The following BTBD8 variants were observed in gnomAD, a reference collection of about 807,000 sequenced individuals.
BTBD8 encodes the protein BTB/POZ domain-containing protein 8.
BTBD8 carries 110 observed loss-of-function variants against 162.9 expected under a neutral mutation model. That is an observed-to-expected ratio of 0.68 (90% CI 0.58 to 0.79). The LOEUF is 0.79. Among genes scored for constraint, BTBD8 ranks in the 30% least tolerant of loss-of-function variants. BTBD8 has a pLI of 0.00. For synonymous variants in BTBD8, 667 were observed against 716.1 expected, an observed-to-expected ratio of 0.93 and a Z score of 1.10; for missense variants, 1,905 against 2,085.4, an observed-to-expected ratio of 0.91 and a Z score of 1.68.
At chr1:92,178,214 T>G (rs1650778382) in intron 15 of BTBD8, 98 bp from the exon 16 acceptor site, 11 of 936,640 alleles carry the variant, frequency 1.2e-5, no homozygotes. Context: ...GAGATGTATT[T>G]TTTATTTCTT....
chr1:92,174,918 A>G (rs553540619), intron 13 of BTBD8, among the ~76,000 whole-genome samples: 1 of 152,120 alleles, frequency 6.6e-6, no homozygotes, highest in Non-Finnish European at 1.5e-5. Flanking sequence ...CCACATTCAT[A>G]TATGTTATTT....
chr1:92,102,565 T>C lies in BTBD8; in HGVS notation c.440T>C (p.Leu147Pro), dbSNP rs776266773. 1.3e-4 allele frequency: 203 copies of C among 1,597,718 alleles called. No individual in the cohort carries two copies. Among genetic ancestry groups the C allele is most frequent in the Non-Finnish European group, 1.7e-4 (197 of 1,171,904 alleles). ...IMEIGISQKQLDISFPKCENS... is the reference protein window; with the variant it reads ...IMEIGISQKQPDISFPKCENS... ...GAGATTGGGATATCACAAAAGCAAC[T>C]TGACATCAGTTTTCCAAAGTGTGAA... is the stretch of plus-strand genomic sequence containing the variant. The change falls in exon 3 of 18, where the codon CTT becomes CCT. Residue 147 changes from leucine to proline, a missense_variant. Leu to Pro is a moderately conservative substitution (Grantham distance 98, BLOSUM62 -3). Around this residue, in one of 3 missense-constraint regions of BTBD8, gnomAD observed 1,374 missense variants for 1,442.7 expected, o/e 0.95. Coordinates refer to ENST00000636805, the MANE Select transcript of BTBD8 (RefSeq NM_001376131.1).
At chr1:92,139,716 T>C in intron 6 of BTBD8, 3 of 377,198 alleles carry the variant, frequency 8.0e-6, no homozygotes, top group Non-Finnish European at 1.1e-5. Flanking sequence ...GATTAAACTT[T>C]TATCAAACTT....
intron 3 of BTBD8, among the ~76,000 whole-genome samples, chr1:92,104,521 C>G (rs1331154586): frequency 6.6e-6 from 1 of 152,152 alleles, no homozygotes; most frequent in Non-Finnish European, 1.5e-5. Flanking sequence ...TATTTGAAAT[C>G]CAGTTTTCTT....
At chr1:92,157,182 A>G (rs1377107854) in intron 9 of BTBD8, among the ~76,000 whole-genome samples, 1 of 151,764 alleles carries the variant, frequency 6.6e-6, no homozygotes, top group African/African-American at 2.4e-5. Flanking sequence ...TCTTTGACCC[A>G]TTGGTTGTTC....
intron 4 of BTBD8, among the ~76,000 whole-genome samples, chr1:92,120,760 A>G (rs910836647): frequency 6.6e-6 from 1 of 152,170 alleles, no homozygotes; most frequent in African/African-American, 2.4e-5. Context: ...TATGTAGCAC[A>G]TGACTGTAAA....
At chr1:92,151,991 C>CT (rs1390697530) in intron 9 of BTBD8, among the ~76,000 whole-genome samples, 1 of 152,008 alleles carries the variant, frequency 6.6e-6, no homozygotes, top group Non-Finnish European at 1.5e-5. Flanking sequence ...CCACAAAATA[C>CT]TTTTTTTGTG....
chr1:92,080,462 C>A lies in BTBD8; in HGVS notation c.-110C>A. On this transcript the variant is annotated 5_prime_UTR_variant, in exon 1 of 18. Transcript: ENST00000636805. ...GGCGTCAACCTTTTACCCTAGGGGG[C>A]GGATTTGGGTAGGAGCCGAGCGTTC... 1.3e-6 allele frequency: 2 copies of A among 1,484,500 alleles called. No homozygotes were observed. The highest frequency in any genetic ancestry group is 1.8e-6 in the Non-Finnish European group (2 of 1,110,296). 92.0% of individuals were successfully genotyped at this position (1,484,500 alleles called of 1,614,324 possible).
chr1:92,177,360 G>A lies in BTBD8; in HGVS notation c.2167G>A (p.Ala723Thr), dbSNP rs985938837. The change falls in exon 14 of 18, where the codon GCA becomes ACA. Residue 723 changes from alanine (A) to threonine (T), a missense_variant. Transcript: ENST00000636805. ...TGKDSPCLSI[A>T]GPSSRSTDSS... ...GAAGGATTCACCATGCCTCAGCATC[G>A]CAGGACCCTCCAGCAGATCCACAGA... is the stretch of plus-strand genomic sequence containing the variant. 2.6e-5 allele frequency: 41 copies of A among 1,551,636 alleles called. No homozygotes were observed. The highest frequency in any genetic ancestry group is 1.7e-4 in the Middle Eastern group (1 of 6,016).
At chr1:92,158,144 C>T (rs985088829) in intron 9 of BTBD8, among the ~76,000 whole-genome samples, 2 of 152,098 alleles carry the variant, frequency 1.3e-5, no homozygotes, top group Admixed American at 1.3e-4. Flanking sequence ...TAAAGTGAGT[C>T]TCTTGTAGAC....
intron 5 of BTBD8, among the ~76,000 whole-genome samples, chr1:92,136,515 G>A (rs767904521): frequency 3.9e-5 from 6 of 152,090 alleles, no homozygotes; most frequent in South Asian, 2.1e-4. Flanking sequence ...CCAGTATTAC[G>A]TGGGGAAAGG....
chr1:92,095,742 C>T (rs72956818), intron 2 of BTBD8, among the ~76,000 whole-genome samples: 4,558 of 152,290 alleles, frequency 0.03, 245 homozygotes, highest in African/African-American at 0.1. Context: ...CTTGGCCTCT[C>T]AGTGCCTTCA....
chr1:92,130,699 T>C (rs1188559559), intron 5 of BTBD8, among the ~76,000 whole-genome samples: 1 of 152,066 alleles, frequency 6.6e-6, no homozygotes, highest in Non-Finnish European at 1.5e-5. Context: ...TTCAATTTCT[T>C]TTTTTTGTTT....
Position 92,181,401 on chromosome 1 carries a change from GGT to G in BTBD8, c.3721_3722del (p.Val1241SerfsTer8). 6.4e-7 allele frequency: 1 copy of G among 1,551,670 alleles called. No individual in the cohort carries two copies. Among genetic ancestry groups the G allele is most frequent in the Admixed American group, 2.0e-5 (1 of 51,002 alleles). ...PFVGHWNLSTGVLHQRESPES... is the reference protein window; with the variant it reads ...PFVGHWNLSTXVLHQRESPES... Reference sequence around the variant, plus strand: ...TGTGGGTCACTGGAATTTGAGTACTGGTGTTCTGCATCAGCGAGAGAGTCCTG... The same window carrying G: ...TGTGGGTCACTGGAATTTGAGTACTGGTTCTGCATCAGCGAGAGAGTCCTG... On this transcript the variant is annotated frameshift_variant, in exon 17 of 18. Transcript: ENST00000636805. LOFTEE classifies it high-confidence loss of function.
intron 4 of BTBD8, among the ~76,000 whole-genome samples, chr1:92,127,275 A>G (rs1409854498): frequency 6.6e-6 from 1 of 152,146 alleles, no homozygotes. Context: ...AATATTGATC[A>G]TATGCTGAAT....
chr1:92,090,809 G>A (rs1031677065), intron 2 of BTBD8, among the ~76,000 whole-genome samples: 10 of 152,134 alleles, frequency 6.6e-5, no homozygotes, highest in African/African-American at 2.2e-4. Flanking sequence ...GCGCATGCCT[G>A]TAATCCCAGC....
At chr1:92,114,867 C>T in intron 4 of BTBD8, 1 of 335,142 alleles carries the variant, frequency 3.0e-6, no homozygotes, top group Non-Finnish European at 5.8e-6. Context: ...AATTCATTGT[C>T]ATGCTGGGAA....
chr1:92,167,785 C>A, intron 10 of BTBD8, 63 bp from the exon 11 acceptor site: 2 of 1,307,828 alleles, frequency 1.5e-6, no homozygotes, highest in Admixed American at 2.2e-5. Flanking sequence ...TTACGCCAGA[C>A]TTTCACATTT....
intron 6 of BTBD8, chr1:92,139,987 G>GTA (rs1649734085): frequency 7.5e-6 from 1 of 133,940 alleles, no homozygotes; most frequent in Admixed American, 7.9e-5. Flanking sequence ...GTGTGCACCT[G>GTA]TAGTCCCAGC....
Sources: allele counts gnomAD v4.1 joint callset (sites outside exome capture counted in the v4.1 genomes callset), GRCh38; gene constraint gnomAD v4.1.1; regional missense constraint gnomAD v4.1.1; transcripts MANE v1.5; gene names NCBI Gene and HGNC (gene_info 2026-07-23, HGNC 2026-07-21).